Variants in CEP43 observed in about 807,000 individuals in gnomAD.
The protein encoded by CEP43 is centrosomal protein 43, also known as FGFR1 oncogene partner.
In CEP43, 36 loss-of-function variants were observed where a neutral mutation model predicts 52.6. That is an observed-to-expected ratio of 0.68 (90% CI 0.52 to 0.90). The LOEUF (loss-of-function observed/expected upper bound fraction) is 0.90. CEP43 is among the 40% of genes least tolerant of loss of function. The pLI is 0.00. For missense variants in CEP43, 506 were observed against 472.8 expected (o/e 1.07, Z -0.65); for synonymous variants, 192 against 172.4 (o/e 1.11, Z -0.89).
At chr6:167,027,337 A>G (rs1357319395) in intron 10 of CEP43, among the ~76,000 whole-genome samples, 1 of 152,220 alleles carries the variant, frequency 6.6e-6, no homozygotes, top group African/African-American at 2.4e-5. Context: ...GCAGTGTGAC[A>G]GGCATACTTT....
At chr6:167,003,559 T>C (rs1366186529) in intron 3 of CEP43, 164 bp from the exon 4 acceptor site, 1 of 562,526 alleles carries the variant, frequency 1.8e-6, no homozygotes, top group East Asian at 2.8e-5. Context: ...AATCAGGAGA[T>C]TGAGATTTTC....
At chr6:167,038,779 A>G (rs1346392052) in intron 12 of CEP43, among the ~76,000 whole-genome samples, 3 of 152,218 alleles carry the variant, frequency 2.0e-5, no homozygotes, top group African/African-American at 7.2e-5. Context: ...CTTTACAGCA[A>G]CAGTTTTTTT....
At chr6:167,018,520 A>G (rs1385018625) in intron 7 of CEP43, among the ~76,000 whole-genome samples, 1 of 152,056 alleles carries the variant, frequency 6.6e-6, no homozygotes, top group Admixed American at 6.5e-5. Context: ...CCTCCTGAGT[A>G]GCTGGGATTA....
Position 167,046,173 on chromosome 6 carries a change from AG to A in CEP43, c.*6196del, listed in dbSNP as rs1275106465. ...TTTATAGAGGTTAGGTATATATGGC[AG>A]ATCATATCTGAGCGTGAATTACATT... On this transcript the variant is annotated 3_prime_UTR_variant, in exon 13 of 13. Coordinates refer to ENST00000366847, the MANE Select transcript of CEP43 (RefSeq NM_007045.4). 6.6e-6 allele frequency: 1 copy of A among 151,762 alleles called. No individual in the cohort carries two copies. Among genetic ancestry groups the A allele is most frequent in the East Asian group, 1.9e-4 (1 of 5,170 alleles). The allele number at this position is 151,762 out of a possible 1,614,324, so 9.4% of individuals were successfully genotyped here. A position where few individuals can be genotyped will look rare whatever the true frequency, so the allele number is the denominator to read the frequency against.
chr6:167,041,837 C>T lies in CEP43; in HGVS notation c.*1859C>T, dbSNP rs549106296. On this transcript the variant is annotated 3_prime_UTR_variant, in exon 13 of 13. Transcript: ENST00000366847. ...ACATACATCTTTTTTTTGCGGGGGG[C>T]GGGGGGGACAGAGTCTCACTGTGTC... 103 of 40,400 alleles carry T rather than the reference C, an allele frequency of 2.5e-3. No individual in the cohort carries two copies. The highest frequency in any genetic ancestry group is 0.015 in the African/African-American group (94 of 6,306). 2.5% of individuals were successfully genotyped at this position (40,400 alleles called of 1,614,324 possible).
chr6:167,014,019 C>CT (rs1407444747), intron 7 of CEP43, among the ~76,000 whole-genome samples: 6 of 152,288 alleles, frequency 3.9e-5, no homozygotes, highest in Non-Finnish European at 7.4e-5. Context: ...GTAAATTTCA[C>CT]TGTCAGTTTT....
intron 2 of CEP43, among the ~76,000 whole-genome samples, chr6:167,001,098 C>T (rs1027702818): frequency 1.3e-5 from 2 of 152,214 alleles, no homozygotes; most frequent in Non-Finnish European, 1.5e-5. Context: ...GCTTCCTCCA[C>T]AGGGAAGGTA....
intron 3 of CEP43, 118 bp from the exon 4 acceptor site, chr6:167,003,604 TA>T (rs1779786881): frequency 1.6e-6 from 1 of 632,386 alleles, no homozygotes; most frequent in Non-Finnish European, 2.7e-6. Context: ...AGGAAATTTG[TA>T]ACTTAAAAAA....
At chr6:167,029,104 A>T (rs1780413908) in intron 10 of CEP43, among the ~76,000 whole-genome samples, 1 of 152,198 alleles carries the variant, frequency 6.6e-6, no homozygotes, top group South Asian at 2.1e-4. Flanking sequence ...CAATCTTTAA[A>T]AATGTAAAAG....
rs1204649978 is a variant in CEP43 at position 167,041,123 on chromosome 6, A to T, written c.*1145A>T. The T allele has an allele frequency of 9.6e-7, 1 of 1,042,552 alleles. No homozygotes were observed. The highest frequency in any genetic ancestry group is 5.8e-5 in the East Asian group (1 of 17,294). 64.6% of individuals were successfully genotyped at this position (1,042,552 alleles called of 1,614,324 possible). ...AATTAAGTTGCGGCTTTTTACTACAAGTTAACTTTATTAGTAAAAGGAGCA... is the reference window on the plus strand; with the variant it reads ...AATTAAGTTGCGGCTTTTTACTACATGTTAACTTTATTAGTAAAAGGAGCA... On this transcript the variant is annotated 3_prime_UTR_variant, in exon 13 of 13. Transcript: ENST00000366847.
chr6:167,004,253 TTC>T lies in CEP43; in HGVS notation c.301-9_301-8del. ...TTTTTTTGTGCACTTGTATTTTAACTTCTTTTCTAGCTGCAAGGTCTCGAAGG... is the reference window on the plus strand; with the variant it reads ...TTTTTTTGTGCACTTGTATTTTAACTTTTTCTAGCTGCAAGGTCTCGAAGG... On this transcript the variant is annotated splice_polypyrimidine_tract_variant and intron_variant, in intron 4 of 12. Transcript: ENST00000366847. 6.3e-7 allele frequency: 1 copy of T among 1,589,636 alleles called. No homozygotes were observed. Among genetic ancestry groups the T allele is most frequent in the Non-Finnish European group, 8.5e-7 (1 of 1,171,656 alleles).
chr6:167,016,758 C>T (rs1780109032), intron 7 of CEP43, among the ~76,000 whole-genome samples: 1 of 152,080 alleles, frequency 6.6e-6, no homozygotes, highest in Non-Finnish European at 1.5e-5. Flanking sequence ...ACACTTAGCC[C>T]TGTAGTAAAA....
At chr6:167,037,345 G>A (rs1231634658) in intron 12 of CEP43, among the ~76,000 whole-genome samples, 2 of 137,900 alleles carry the variant, frequency 1.5e-5, no homozygotes, top group South Asian at 2.2e-4. Flanking sequence ...TTTAGCATTT[G>A]TATTAATATA....
chr6:167,025,383 ATAGT>A (rs2128665072), intron 9 of CEP43, among the ~76,000 whole-genome samples: 2 of 152,324 alleles, frequency 1.3e-5, no homozygotes, highest in East Asian at 3.9e-4. Context: ...TACACATGGA[ATAGT>A]CTAGCTCTGG....
At position 167,041,595 on chromosome 6, in the gene CEP43, G is replaced by T; in HGVS notation, c.*1617G>T. ...TATAGTTCTGGTCCCCTGGAATCTGGATCACATGTATGATTTATTTTTAAT... is the reference window on the plus strand; with the variant it reads ...TATAGTTCTGGTCCCCTGGAATCTGTATCACATGTATGATTTATTTTTAAT... On this transcript the variant is annotated 3_prime_UTR_variant, in exon 13 of 13. Transcript: ENST00000366847. 9.6e-7 allele frequency: 1 copy of T among 1,046,722 alleles called. No individual in the cohort carries two copies. Among genetic ancestry groups the T allele is most frequent in the East Asian group, 5.6e-5 (1 of 17,844 alleles). The allele number at this position is 1,046,722 out of a possible 1,614,324, so 64.8% of individuals were successfully genotyped here.
intron 7 of CEP43, among the ~76,000 whole-genome samples, chr6:167,017,058 C>T (rs1024972059): frequency 7.3e-5 from 11 of 150,878 alleles, no homozygotes; most frequent in African/African-American, 1.5e-4. Flanking sequence ...TGCAGTGGCA[C>T]GATCTCGGCT....
rs1268765493 is a variant in CEP43 at position 167,003,407 on chromosome 6, T to TA, written c.211+161dup. 5.9e-5 allele frequency: 30 copies of TA among 512,436 alleles called. No homozygotes were observed. In the African/African-American group the frequency reaches 5.9e-4, roughly 10 times the overall value. The allele number at this position is 512,436 out of a possible 1,614,324, so 31.7% of individuals were successfully genotyped here. On this transcript the variant is annotated intron_variant, in intron 3 of 12. Transcript: ENST00000366847. ...TATTGTACAACAATCGTGTTGCTAT[T>TA]ACATATTTTTGGATTTGGGATGTTG...
chr6:167,046,091 C>T lies in CEP43; in HGVS notation c.*6113C>T, dbSNP rs1780791919. The T allele has an allele frequency of 6.6e-6, 1 of 152,164 alleles. No homozygotes were observed. The highest frequency in any genetic ancestry group is 2.4e-5 in the African/African-American group (1 of 41,426). The allele number at this position is 152,164 out of a possible 1,614,324, so 9.4% of individuals were successfully genotyped here. On this transcript the variant is annotated 3_prime_UTR_variant, in exon 13 of 13. Coordinates refer to ENST00000366847, the MANE Select transcript of CEP43 (RefSeq NM_007045.4). ...ACTTCACGTTTCCCTCTAGTTTTCTCTTTACATTTTAACATACACTATTAT... is the reference window on the plus strand; with the variant it reads ...ACTTCACGTTTCCCTCTAGTTTTCTTTTTACATTTTAACATACACTATTAT...
chr6:167,019,183 A>G (rs771903227), intron 7 of CEP43, among the ~76,000 whole-genome samples: 3 of 151,994 alleles, frequency 2.0e-5, no homozygotes, highest in Non-Finnish European at 4.4e-5. Context: ...TGATATTTTC[A>G]CTTGACGGTT....
Sources: gnomAD v4.1 joint callset for allele counts (sites outside exome capture counted in the v4.1 genomes callset) on GRCh38, gnomAD v4.1.1 for gene constraint, MANE v1.5 for transcripts, NCBI Gene and HGNC (gene_info 2026-07-23, HGNC 2026-07-21) for gene names.